The following EHMT1 variants were observed in gnomAD, a reference collection of about 807,000 sequenced individuals.
EHMT1 encodes the protein histone-lysine N-methyltransferase EHMT1.
Under a neutral mutation model 147.2 loss-of-function variants are expected in EHMT1, and 15 were observed. That is an observed-to-expected ratio of 0.10 (90% CI 0.07 to 0.16). The LOEUF (loss-of-function observed/expected upper bound fraction) is 0.16. EHMT1 is among the 10% of genes least tolerant of loss of function. The pLI is 1.00. For missense variants in EHMT1, 1,587 were observed against 1,772.4 expected (o/e 0.90, Z 1.88); for synonymous variants, 795 against 709.6 (o/e 1.12, Z -1.91).
intron 1 of EHMT1, among the ~76,000 whole-genome samples, chr9:137,652,543 G>A (rs761693162): frequency 4.6e-5 from 7 of 150,978 alleles, no homozygotes; most frequent in South Asian, 2.1e-4. Flanking sequence ...GCACCACCAC[G>A]CCCAGCTAGT....
At chr9:137,623,420 CT>C (rs111649345) in intron 1 of EHMT1, among the ~76,000 whole-genome samples, 147 of 143,690 alleles carry the variant, frequency 1.0e-3, no homozygotes, top group Non-Finnish European at 1.0e-3. Flanking sequence ...TGTATTTACT[CT>C]TTTTTTTTTT....
At chr9:137,722,830 G>A (rs1206210715) in intron 3 of EHMT1, among the ~76,000 whole-genome samples, 5 of 152,226 alleles carry the variant, frequency 3.3e-5, no homozygotes, top group African/African-American at 1.2e-4. Context: ...GAAGGTGGGT[G>A]CCCCCCTGTG....
At chr9:137,833,180 T>C (rs558650345) in intron 25 of EHMT1, among the ~76,000 whole-genome samples, 1 of 152,318 alleles carries the variant, frequency 6.6e-6, no homozygotes, top group African/African-American at 2.4e-5. Flanking sequence ...CTGGTTAATG[T>C]TCATGCTGGG....
At chr9:137,768,820 G>A (rs903747954) in intron 10 of EHMT1, among the ~76,000 whole-genome samples, 1 of 151,988 alleles carries the variant, frequency 6.6e-6, no homozygotes, top group South Asian at 2.1e-4. Context: ...AAAGTGCTGG[G>A]ATTACAGGCG....
At chr9:137,728,706 G>C (rs1264688037) in intron 4 of EHMT1, 177 bp downstream of exon 4, 1 of 734,828 alleles carries the variant, frequency 1.4e-6, no homozygotes, top group Non-Finnish European at 2.3e-6. Context: ...CCTGACCTCT[G>C]CTCTAAGCCT....
chr9:137,732,456 C>G lies in EHMT1; in HGVS notation c.823+3927C>G, dbSNP rs888931398. Among the ~76,000 whole-genome samples the G allele has an allele frequency of 1.3e-5, 2 of 152,202 alleles. No homozygotes were observed. Among genetic ancestry groups the G allele is most frequent in the Non-Finnish European group, 2.9e-5 (2 of 68,040 alleles). ...AGTTTTATTGAGCAGCAGAACAGCT[C>G]TCAGCGGAGAGGAGACCCAAAGTCA... On this transcript the variant is annotated intron_variant, in intron 4 of 26. Transcript: ENST00000460843. This position sits in a 1 kb window ranked among gnomAD's most constrained non-coding sequence, Gnocchi z 4.6.
intron 8 of EHMT1, among the ~76,000 whole-genome samples, chr9:137,757,174 C>G (rs1361793603): frequency 6.6e-6 from 1 of 152,232 alleles, no homozygotes; most frequent in Non-Finnish European, 1.5e-5. Flanking sequence ...TGTGGACAGG[C>G]TGGCCTGGCC....
At position 137,707,669 on chromosome 9, in the gene EHMT1, C is replaced by G. The variant is rs578101240; in HGVS notation, c.22-3298C>G. Among the ~76,000 whole-genome samples, 34 of 152,336 alleles carry G rather than the reference C, an allele frequency of 2.2e-4. No individual in the cohort carries two copies. In the South Asian group the frequency reaches 7.0e-3, roughly 32 times the overall value. On this transcript the variant is annotated intron_variant, in intron 1 of 26. Transcript: ENST00000460843. ...CATTATTCGGTAGTGTGTTACATAG[C>G]ATTCTTAAACATTTTTTCAAAAGAT...
intron 15 of EHMT1, 63 bp from the exon 16 acceptor site, chr9:137,790,785 C>T: frequency 1.2e-6 from 2 of 1,613,544 alleles, no homozygotes; most frequent in Non-Finnish European, 1.7e-6. Flanking sequence ...TTGTAAGTCA[C>T]TTCTCCCCAG....
At position 137,683,529 on chromosome 9, in the gene EHMT1, A is replaced by G. The variant is rs996532006; in HGVS notation, c.22-27438A>G. Among the ~76,000 whole-genome samples, 68 of 152,032 alleles carry G rather than the reference A, an allele frequency of 4.5e-4. 1 individual carries two copies. The highest frequency in any genetic ancestry group is 1.6e-3 in the African/African-American group (66 of 41,392). On this transcript the variant is annotated intron_variant, in intron 1 of 26. Transcript: ENST00000460843. ...ACAATCATGGCTCATTGCAGCCTCA[A>G]CCTCCTGGGCTCAAGCCCAAGTAGC...
intron 1 of EHMT1, among the ~76,000 whole-genome samples, chr9:137,700,777 T>C (rs1943761109): frequency 6.6e-6 from 1 of 152,330 alleles, no homozygotes; most frequent in Non-Finnish European, 1.5e-5. Flanking sequence ...ACTGTTCCTG[T>C]GATCAATTCT....
intron 1 of EHMT1, among the ~76,000 whole-genome samples, chr9:137,622,353 C>G (rs1009309792): frequency 2.0e-5 from 3 of 152,108 alleles, no homozygotes; most frequent in African/African-American, 7.2e-5. Context: ...CTCCTGACCT[C>G]AAGTGATCTA....
chr9:137,774,852 C>A (rs1238834350), intron 10 of EHMT1, among the ~76,000 whole-genome samples: 1 of 152,160 alleles, frequency 6.6e-6, no homozygotes, highest in Non-Finnish European at 1.5e-5. Flanking sequence ...TGGACCTGCT[C>A]ATGTGCCGCT....
chr9:137,815,030 G>A (rs1161189015), intron 22 of EHMT1, among the ~76,000 whole-genome samples: 1 of 152,052 alleles, frequency 6.6e-6, no homozygotes, highest in Non-Finnish European at 1.5e-5. Flanking sequence ...GCTAGCAGGG[G>A]TGCAATTCAG....
intron 13 of EHMT1, 51 bp from the exon 14 acceptor site, chr9:137,779,584 A>G (rs1342220159): frequency 2.5e-6 from 4 of 1,602,388 alleles, no homozygotes; most frequent in African/African-American, 2.7e-5. Context: ...CTTCAGCTTC[A>G]TGTGTGGGAT....
At chr9:137,816,416 C>G (rs961434621) in intron 23 of EHMT1, 1 of 359,498 alleles carries the variant, frequency 2.8e-6, no homozygotes, top group African/African-American at 2.1e-5. Context: ...TTTAATACTC[C>G]AGTCATTTTC....
intron 1 of EHMT1, among the ~76,000 whole-genome samples, chr9:137,668,657 T>A (rs1045640499): frequency 2.6e-5 from 4 of 152,180 alleles, no homozygotes; most frequent in Non-Finnish European, 5.9e-5. Context: ...ACCACTCATC[T>A]GCTTTCCTTC....
At chr9:137,715,749 G>A (rs1214925246) in intron 2 of EHMT1, 7 of 985,274 alleles carry the variant, frequency 7.1e-6, no homozygotes, top group South Asian at 4.7e-5. Flanking sequence ...AGCAGACCAC[G>A]GATGTGCTCC....
At chr9:137,820,080 T>G (rs988134026) in intron 25 of EHMT1, 4 of 152,140 alleles carry the variant, frequency 2.6e-5, no homozygotes, top group African/African-American at 7.2e-5. Context: ...ACCTGGAGAA[T>G]AGGGCACCAG....
Sources: allele counts gnomAD v4.1 joint callset (sites outside exome capture counted in the v4.1 genomes callset), GRCh38; gene constraint gnomAD v4.1.1; non-coding constraint Gnocchi (gnomAD v3.1); transcripts MANE v1.5; gene names NCBI Gene and HGNC (gene_info 2026-07-23, HGNC 2026-07-21).